CCDC88A: variants seen among roughly 807,000 people sequenced by gnomAD.
The protein encoded by CCDC88A is girdin.
A neutral mutation model predicts 234.3 loss-of-function variants in CCDC88A; 54 were observed. The observed-to-expected ratio is 0.23, with a 90% CI of 0.19 to 0.29. The LOEUF (loss-of-function observed/expected upper bound fraction) is 0.29. CCDC88A is among the 10% of genes least tolerant of loss of function. The pLI, the probability that CCDC88A is intolerant of heterozygous loss-of-function variation, is 1.00. For synonymous variants in CCDC88A, 753 were observed against 737.8 expected, an observed-to-expected ratio of 1.02 and a Z score of -0.33; for missense variants, 1,832 against 2,123.4, an observed-to-expected ratio of 0.86 and a Z score of 2.70.
intron 2 of CCDC88A, among the ~76,000 whole-genome samples, chr2:55,402,792 A>T (rs947475604): frequency 6.6e-6 from 1 of 151,606 alleles, no homozygotes; most frequent in African/African-American, 2.4e-5. Context: ...GGCGGATCAC[A>T]AGGTCAAGAG....
At chr2:55,326,145 A>G (rs1442774469) in intron 17 of CCDC88A, among the ~76,000 whole-genome samples, 1 of 149,374 alleles carries the variant, frequency 6.7e-6, no homozygotes, top group African/African-American at 2.5e-5. Flanking sequence ...TATTTGTCCA[A>G]TCTGTACTTT....
chr2:55,395,786 T>C (rs1290696227), intron 2 of CCDC88A, among the ~76,000 whole-genome samples: 6 of 152,178 alleles, frequency 3.9e-5, no homozygotes, highest in Non-Finnish European at 5.9e-5. Flanking sequence ...GGAAGACTAT[T>C]AGTAAGGTAA....
intron 26 of CCDC88A, 24 bp downstream of exon 26, chr2:55,303,045 A>G: frequency 7.0e-7 from 1 of 1,426,832 alleles, no homozygotes; most frequent in Non-Finnish European, 9.7e-7. Context: ...AGTTGAAAGA[A>G]GCTGAACTGT....
rs770009597 is a variant in CCDC88A, at chr2:55,301,875, T to G, written c.4669A>C (p.Lys1557Gln). 6.2e-7 allele frequency: 1 copy of G among 1,613,786 alleles called. No homozygotes were observed. The highest frequency in any genetic ancestry group is 1.1e-5 in the South Asian group (1 of 91,068). Residue 1557 changes from lysine to glutamine, a missense_variant, in exon 27 of 33, where the codon AAA (lysine) becomes CAA (glutamine). Physicochemically the swap from Lys to Gln is moderately conservative, Grantham distance 53. Transcript: ENST00000436346. Reference sequence around the variant, plus strand: ...GCAAATAGCAGACAGCCTATACCTTTATTATTAACCAACTGCTTGGATCTG... The same window carrying G: ...GCAAATAGCAGACAGCCTATACCTTGATTATTAACCAACTGCTTGGATCTG... ...GFRSKQLVNN[K>Q]DTTSFEDISP...
intron 31 of CCDC88A, chr2:55,292,805 G>A (rs1679577479): frequency 6.6e-6 from 1 of 152,276 alleles, no homozygotes; most frequent in Admixed American, 6.5e-5. Context: ...AGGTTTCAGT[G>A]AGATGATATC....
At chr2:55,410,949 G>A (rs1326127378) in intron 2 of CCDC88A, among the ~76,000 whole-genome samples, 1 of 151,292 alleles carries the variant, frequency 6.6e-6, no homozygotes, top group Admixed American at 6.6e-5. Context: ...CATAAAAATA[G>A]AATCAGGAAT....
At position 55,295,189 on chromosome 2, in the gene CCDC88A, G is replaced by A. The variant is rs1282565245; in HGVS notation, c.5551+408C>T. The A allele has an allele frequency of 5.3e-6, 7 of 1,313,148 alleles. No homozygotes were observed. In the East Asian group the frequency reaches 2.2e-4, roughly 41 times the overall value. 81.3% of individuals were successfully genotyped at this position (1,313,148 alleles called of 1,614,324 possible). On this transcript the variant is annotated intron_variant, in intron 31 of 32. Transcript: ENST00000436346. ...TTGTTGCTATTTATAGAAAACTGTAGGTTACTGTTACTAGGGTTCTGATGA... is the reference window on the plus strand; with the variant it reads ...TTGTTGCTATTTATAGAAAACTGTAAGTTACTGTTACTAGGGTTCTGATGA...
intron 10 of CCDC88A, 176 bp downstream of exon 10, chr2:55,345,999 T>C (rs966286610): frequency 1.3e-5 from 6 of 465,600 alleles, no homozygotes; most frequent in Non-Finnish European, 2.3e-5. Context: ...ATAGATCCCT[T>C]TTGTAAAAGT....
At chr2:55,319,997 A>G (rs1683425394) in intron 18 of CCDC88A, among the ~76,000 whole-genome samples, 1 of 152,178 alleles carries the variant, frequency 6.6e-6, no homozygotes, top group Non-Finnish European at 1.5e-5. Context: ...TATACACTGC[A>G]TGTCACTGTG....
At chr2:55,373,556 A>G (rs369476377) in intron 4 of CCDC88A, among the ~76,000 whole-genome samples, 144 of 152,254 alleles carry the variant, frequency 9.5e-4, no homozygotes, top group African/African-American at 3.3e-3. Flanking sequence ...TTATTACATG[A>G]TTTCCCCATA....
intron 7 of CCDC88A, among the ~76,000 whole-genome samples, chr2:55,361,129 A>G (rs906603104): frequency 2.0e-5 from 3 of 152,158 alleles, no homozygotes; most frequent in Non-Finnish European, 4.4e-5. Context: ...AAATAAAACC[A>G]AAGTATAGAT....
At chr2:55,318,717 TAAAA>T (rs1470823993) in intron 19 of CCDC88A, 122 bp downstream of exon 19, 2 of 727,240 alleles carry the variant, frequency 2.8e-6, no homozygotes, top group Non-Finnish European at 4.0e-6. Context: ...TGGCACTAAA[TAAAA>T]ATATTTTCAT....
At chr2:55,315,837 C>T (rs545841299) in intron 22 of CCDC88A, 91 bp downstream of exon 22, 2 of 670,664 alleles carry the variant, frequency 3.0e-6, no homozygotes, top group South Asian at 3.2e-5. Flanking sequence ...TAAATATATA[C>T]TAGTATTGTC....
At chr2:55,374,980 G>C in intron 3 of CCDC88A, 97 bp from the exon 4 acceptor site, 1 of 694,388 alleles carries the variant, frequency 1.4e-6, no homozygotes, top group Non-Finnish European at 2.5e-6. Context: ...TTCTGTAGGT[G>C]TGCTATATTG....
intron 3 of CCDC88A, among the ~76,000 whole-genome samples, chr2:55,387,779 C>CAAAAAAAAACAAAAAAA (rs1675917318): frequency 1.5e-5 from 1 of 64,852 alleles, no homozygotes; most frequent in African/African-American, 5.5e-5. Context: ...GGCTCCATCT[C>CAAAAAAAAACAAAAAAA]AAAAAAAAAA....
At chr2:55,407,267 A>C (rs1679745587) in intron 2 of CCDC88A, among the ~76,000 whole-genome samples, 1 of 151,982 alleles carries the variant, frequency 6.6e-6, no homozygotes, top group African/African-American at 2.4e-5. Flanking sequence ...GACTACTGAG[A>C]TATCTCACAA....
intron 19 of CCDC88A, among the ~76,000 whole-genome samples, 190 bp downstream of exon 19, chr2:55,318,653 T>C (rs916480698): frequency 7.9e-5 from 12 of 152,310 alleles, no homozygotes; most frequent in Middle Eastern, 3.4e-3. Flanking sequence ...TTCAGATGTA[T>C]TGACTGAATT....
rs1450754034 is a variant in CCDC88A at position 55,401,273 on chromosome 2, A to C, written c.165-12387T>G. 3.3e-5 allele frequency among the ~76,000 whole-genome samples: 5 copies of C among 150,848 alleles called. No homozygotes were observed. In the Admixed American group the frequency reaches 3.3e-4, roughly 10 times the overall value. On this transcript the variant is annotated intron_variant, in intron 2 of 32. Transcript: ENST00000436346. ...AGCAAGACTCCTTGTCTACAAAAAA[A>C]CAAAATTTTAATTAGCTGGGGACAG...
intron 8 of CCDC88A, among the ~76,000 whole-genome samples, chr2:55,351,130 G>A (rs948893861): frequency 6.6e-6 from 1 of 152,016 alleles, no homozygotes; most frequent in African/African-American, 2.4e-5. Context: ...TTAAGAGAGA[G>A]GATGTCACTA....
Sources: allele counts gnomAD v4.1 joint callset (sites outside exome capture counted in the v4.1 genomes callset), GRCh38; gene constraint gnomAD v4.1.1; transcripts MANE v1.5; gene names NCBI Gene and HGNC (gene_info 2026-07-23, HGNC 2026-07-21).